UBASH3B: variants seen among roughly 807,000 people sequenced by gnomAD.
The protein encoded by UBASH3B is ubiquitin associated and SH3 domain containing B, also known as ubiquitin-associated and SH3 domain-containing protein B.
UBASH3B carries 37 observed loss-of-function variants against 83.4 expected under a neutral mutation model. The observed-to-expected ratio is 0.44, with a 90% CI of 0.34 to 0.58. The LOEUF is 0.58. Ranked by LOEUF, UBASH3B falls within the 20% of genes least tolerant of loss-of-function variation. UBASH3B has a pLI of 0.01. For missense variants in UBASH3B, 657 were observed against 827.2 expected, an observed-to-expected ratio of 0.79 and a Z score of 2.52; for synonymous variants, 304 against 318.3, an observed-to-expected ratio of 0.96 and a Z score of 0.48.
At chr11:122,731,564 GCAAA>G (rs1325498715) in intron 1 of UBASH3B, among the ~76,000 whole-genome samples, 5 of 152,236 alleles carry the variant, frequency 3.3e-5, no homozygotes, top group Admixed American at 1.3e-4. Flanking sequence ...GGCGGAGAGT[GCAAA>G]CAGTGTGGAT....
intron 3 of UBASH3B, among the ~76,000 whole-genome samples, chr11:122,777,806 T>G (rs1860765396): frequency 6.6e-6 from 1 of 152,190 alleles, no homozygotes; most frequent in Non-Finnish European, 1.5e-5. Flanking sequence ...CTCGGCTCAC[T>G]GCAACCTCCA....
intron 1 of UBASH3B, among the ~76,000 whole-genome samples, chr11:122,723,721 TAGAG>T (rs568776986): frequency 5.8e-4 from 88 of 152,248 alleles, no homozygotes; most frequent in African/African-American, 2.0e-3. Context: ...GCCGGTGGCT[TAGAG>T]AGTTAGTGGT....
At chr11:122,657,040 CAG>C (rs1463049140) in intron 1 of UBASH3B, among the ~76,000 whole-genome samples, 1 of 152,194 alleles carries the variant, frequency 6.6e-6, no homozygotes, top group Non-Finnish European at 1.5e-5. Flanking sequence ...GCTCAAGTCT[CAG>C]GGGCTGGAAC....
chr11:122,709,745 C>A (rs1215540431), intron 1 of UBASH3B, among the ~76,000 whole-genome samples: 1 of 152,196 alleles, frequency 6.6e-6, no homozygotes, highest in African/African-American at 2.4e-5. Flanking sequence ...CCCCACCTAG[C>A]CTTTTCTCCT....
At chr11:122,713,974 T>TG (rs866904) in intron 1 of UBASH3B, among the ~76,000 whole-genome samples, 19,329 of 152,094 alleles carry the variant, frequency 0.13, 1,355 homozygotes, top group African/African-American at 0.18. Context: ...CTCACAGAAC[T>TG]ATCAGGGGCA....
chr11:122,744,625 G>C (rs1186098354), intron 1 of UBASH3B, among the ~76,000 whole-genome samples: 1 of 151,856 alleles, frequency 6.6e-6, no homozygotes, highest in Non-Finnish European at 1.5e-5. Flanking sequence ...TGTTGTATGA[G>C]TGACCATGTG....
intron 1 of UBASH3B, among the ~76,000 whole-genome samples, chr11:122,736,775 C>A (rs1026055914): frequency 2.0e-5 from 3 of 152,040 alleles, no homozygotes; most frequent in Non-Finnish European, 4.4e-5. Context: ...GGAAGCCAGG[C>A]GTGGTGGTTC....
chr11:122,679,699 A>G (rs1863714026), intron 1 of UBASH3B, among the ~76,000 whole-genome samples: 1 of 152,234 alleles, frequency 6.6e-6, no homozygotes, highest in African/African-American at 2.4e-5. Context: ...GCAATAGCAG[A>G]CATGGATGAT....
At chr11:122,734,015 A>G (rs1860891159) in intron 1 of UBASH3B, among the ~76,000 whole-genome samples, 1 of 152,058 alleles carries the variant, frequency 6.6e-6, no homozygotes, top group African/African-American at 2.4e-5. Context: ...CCTCTTTAGT[A>G]GCTGAGACTA....
Position 122,792,859 on chromosome 11 carries a change from C to A in UBASH3B, c.981-1843C>A, listed in dbSNP as rs560947850. 2.4e-4 allele frequency among the ~76,000 whole-genome samples: 37 copies of A among 152,252 alleles called. No homozygotes were observed. In the East Asian group the frequency reaches 6.6e-3, roughly 27 times the overall value. The stretch of plus-strand genomic sequence containing the variant: ...GAGTCACAATGTGTGAGGAGCAGAA[C>A]CCCAGCACGAGTGTATTTTTTTTAA... On this transcript the variant is annotated intron_variant, in intron 6 of 13. Coordinates refer to ENST00000284273, the MANE Select transcript of UBASH3B (RefSeq NM_032873.5).
intron 5 of UBASH3B, among the ~76,000 whole-genome samples, chr11:122,783,546 A>G (rs1356046877): frequency 6.6e-6 from 1 of 152,198 alleles, no homozygotes; most frequent in Non-Finnish European, 1.5e-5. Context: ...TTAATATTAT[A>G]TAAATTTATG....
chr11:122,689,288 C>T (rs1863853892), intron 1 of UBASH3B, among the ~76,000 whole-genome samples: 1 of 152,108 alleles, frequency 6.6e-6, no homozygotes, highest in Admixed American at 6.5e-5. Context: ...TTTGTCTAAA[C>T]ATTTTTCTGT....
chr11:122,682,709 C>G (rs778607112), intron 1 of UBASH3B, among the ~76,000 whole-genome samples: 1 of 152,156 alleles, frequency 6.6e-6, no homozygotes, highest in Non-Finnish European at 1.5e-5. Context: ...TTCCCCTCCC[C>G]TCCAAGAGGG....
chr11:122,794,069 T>G (rs1160814341), intron 6 of UBASH3B, among the ~76,000 whole-genome samples: 1 of 152,198 alleles, frequency 6.6e-6, no homozygotes, highest in African/African-American at 2.4e-5. Context: ...ATTGATACGT[T>G]GTTATTCTTG....
chr11:122,787,484 T>G (rs1210498423), intron 5 of UBASH3B, among the ~76,000 whole-genome samples: 1 of 152,206 alleles, frequency 6.6e-6, no homozygotes, highest in African/African-American at 2.4e-5. Flanking sequence ...ACAATCACTC[T>G]CATCCTCTGA....
chr11:122,785,332 A>C (rs1371261517), intron 5 of UBASH3B, among the ~76,000 whole-genome samples: 1 of 152,168 alleles, frequency 6.6e-6, no homozygotes, highest in African/African-American at 2.4e-5. Flanking sequence ...AGCCGTCTGC[A>C]CACGTAACCC....
intron 1 of UBASH3B, among the ~76,000 whole-genome samples, chr11:122,676,317 T>A (rs1591764170): frequency 6.6e-6 from 1 of 151,952 alleles, no homozygotes; most frequent in African/African-American, 2.4e-5. Context: ...AGGCAGGTGG[T>A]TTACCTGACG....
chr11:122,681,253 T>G (rs2135909242), intron 1 of UBASH3B, among the ~76,000 whole-genome samples: 1 of 152,356 alleles, frequency 6.6e-6, no homozygotes, highest in African/African-American at 2.4e-5. Flanking sequence ...AAGTGATTTT[T>G]CTTGTGACAA....
chr11:122,772,143 G>A (rs375640731), intron 1 of UBASH3B, among the ~76,000 whole-genome samples: 4 of 152,276 alleles, frequency 2.6e-5, no homozygotes, highest in South Asian at 2.1e-4. Context: ...CTGCTGTGGC[G>A]TTCTGACCTA....
Sources: gnomAD v4.1 joint callset for allele counts (sites outside exome capture counted in the v4.1 genomes callset) on GRCh38, gnomAD v4.1.1 for gene constraint, MANE v1.5 for transcripts, NCBI Gene and HGNC (gene_info 2026-07-23, HGNC 2026-07-21) for gene names.